MRPS9: variants seen among roughly 807,000 people sequenced by gnomAD.
MRPS9 encodes mitochondrial ribosomal protein S9, also known as small ribosomal subunit protein uS9m.
A neutral mutation model predicts 59.9 loss-of-function variants in MRPS9; 45 were observed. The ratio of observed to expected loss-of-function variants is 0.75; its 90% CI spans 0.59 to 0.96. MRPS9 has a LOEUF of 0.96. Among genes scored for constraint, MRPS9 ranks in the 40% least tolerant of loss-of-function variants. The pLI is 0.00. For missense variants in MRPS9, 473 were observed against 481.1 expected (o/e 0.98, Z 0.16); for synonymous variants, 171 against 166.8 (o/e 1.03, Z -0.19).
intron 5 of MRPS9, among the ~76,000 whole-genome samples, chr2:105,087,935 A>G (rs1316629414): frequency 6.6e-6 from 1 of 152,126 alleles, no homozygotes; most frequent in Non-Finnish European, 1.5e-5. Context: ...ACACTTAGAT[A>G]AAACTTTATC....
chr2:105,097,997 C>G (rs951430190), intron 10 of MRPS9, among the ~76,000 whole-genome samples: 1 of 152,168 alleles, frequency 6.6e-6, no homozygotes, highest in African/African-American at 2.4e-5. Flanking sequence ...CACACCTGGC[C>G]TGTCATAGAA....
At chr2:105,040,132 C>T (rs1679476605) in intron 1 of MRPS9, among the ~76,000 whole-genome samples, 1 of 152,104 alleles carries the variant, frequency 6.6e-6, no homozygotes, top group Admixed American at 6.5e-5. Flanking sequence ...CTTATGATTG[C>T]ATACATATAC....
chr2:105,078,737 C>A (rs1461831145), intron 4 of MRPS9, among the ~76,000 whole-genome samples: 2 of 152,072 alleles, frequency 1.3e-5, no homozygotes, highest in Non-Finnish European at 2.9e-5. Context: ...ATGTACTATT[C>A]AAAAAACTGT....
chr2:105,049,957 C>T (rs542882923), intron 2 of MRPS9, among the ~76,000 whole-genome samples: 1 of 144,322 alleles, frequency 6.9e-6, no homozygotes, highest in South Asian at 2.1e-4. Context: ...TATATTTAAT[C>T]GAAGAACAAC....
intron 1 of MRPS9, among the ~76,000 whole-genome samples, chr2:105,046,686 G>T (rs1679602111): frequency 6.6e-6 from 1 of 152,024 alleles, no homozygotes; most frequent in Non-Finnish European, 1.5e-5. Context: ...GAGGGCTGTG[G>T]TTGGTGATTG....
At position 105,038,385 on chromosome 2, in the gene MRPS9, A is replaced by G; in HGVS notation, c.135+158A>G. ...TGAGGTTGGGGGGGAGGAGGTGGGT[A>G]TTGGCGTGCAGTAGCCGCTCTAGAG... On this transcript the variant is annotated intron_variant, in intron 1 of 10. Transcript: ENST00000258455. The G allele has an allele frequency of 5.4e-6, 5 of 934,006 alleles. No homozygotes were observed. The South Asian group carries it at 8.7e-5, about 16-fold the overall frequency. The allele number at this position is 934,006 out of a possible 1,614,324, so 57.9% of individuals were successfully genotyped here.
At chr2:105,057,714 CA>C (rs1349902992) in intron 2 of MRPS9, among the ~76,000 whole-genome samples, 2 of 152,146 alleles carry the variant, frequency 1.3e-5, no homozygotes, top group Non-Finnish European at 2.9e-5. Context: ...TGTGTACCAT[CA>C]AAAATTCTTT....
intron 4 of MRPS9, among the ~76,000 whole-genome samples, chr2:105,076,608 T>C (rs1680217170): frequency 6.6e-6 from 1 of 152,234 alleles, no homozygotes; most frequent in Admixed American, 6.5e-5. Context: ...TTAAAAATTA[T>C]TGTGTGTTTT....
At chr2:105,092,331 G>A in intron 7 of MRPS9, 70 bp from the exon 8 acceptor site, 3 of 1,397,182 alleles carry the variant, frequency 2.1e-6, no homozygotes, top group Non-Finnish European at 2.9e-6. Context: ...GATCAAGTAT[G>A]CAAAAAATAG....
At chr2:105,071,209 T>G (rs1680104669) in intron 2 of MRPS9, 104 bp from the exon 3 acceptor site, 2 of 842,754 alleles carry the variant, frequency 2.4e-6, no homozygotes, top group South Asian at 3.9e-5. Context: ...GATAATGCTT[T>G]GAAACTCTAG....
chr2:105,055,998 A>C (rs1679785276), intron 2 of MRPS9, among the ~76,000 whole-genome samples: 1 of 152,202 alleles, frequency 6.6e-6, no homozygotes, highest in African/African-American at 2.4e-5. Context: ...CTAATTATTT[A>C]GTTTGATCAG....
intron 4 of MRPS9, among the ~76,000 whole-genome samples, chr2:105,075,095 A>T (rs1680182487): frequency 1.3e-5 from 2 of 152,154 alleles, no homozygotes; most frequent in South Asian, 4.1e-4. Flanking sequence ...TCTCATAAGG[A>T]GCATGCAACC....
intron 2 of MRPS9, among the ~76,000 whole-genome samples, chr2:105,062,913 A>C (rs1283966736): frequency 6.6e-6 from 1 of 152,222 alleles, no homozygotes; most frequent in Non-Finnish European, 1.5e-5. Flanking sequence ...GTAAGAATTT[A>C]TAATTTTTGC....
chr2:105,082,998 A>G (rs1680377806), intron 5 of MRPS9, among the ~76,000 whole-genome samples: 1 of 152,250 alleles, frequency 6.6e-6, no homozygotes, highest in Non-Finnish European at 1.5e-5. Flanking sequence ...ATCATTGAGT[A>G]CCATGAAGGG....
chr2:105,039,342 A>G (rs1573411389), intron 1 of MRPS9, among the ~76,000 whole-genome samples: 3 of 150,290 alleles, frequency 2.0e-5, no homozygotes. Flanking sequence ...CTTACTGGAA[A>G]ATGTGCTAGA....
intron 1 of MRPS9, among the ~76,000 whole-genome samples, chr2:105,039,131 G>A (rs1679450085): frequency 6.6e-6 from 1 of 151,934 alleles, no homozygotes; most frequent in Non-Finnish European, 1.5e-5. Flanking sequence ...CAGCCAGTGT[G>A]GTGTCATGGA....
chr2:105,049,501 G>A, intron 2 of MRPS9, 151 bp downstream of exon 2: 1 of 680,056 alleles, frequency 1.5e-6, no homozygotes, highest in Non-Finnish European at 2.4e-6. Context: ...TGGAGCCATG[G>A]TTTCAAAGAC....
At chr2:105,052,614 G>T (rs1297461226) in intron 2 of MRPS9, among the ~76,000 whole-genome samples, 1 of 152,098 alleles carries the variant, frequency 6.6e-6, no homozygotes, top group Non-Finnish European at 1.5e-5. Context: ...TTTGATATTG[G>T]TAATACTGGC....
intron 5 of MRPS9, among the ~76,000 whole-genome samples, chr2:105,083,213 G>A (rs1680382448): frequency 6.6e-6 from 1 of 152,214 alleles, no homozygotes; most frequent in Non-Finnish European, 1.5e-5. Context: ...TGTTAAAGAG[G>A]ATATAGATGG....
Sources: allele counts gnomAD v4.1 joint callset (sites outside exome capture counted in the v4.1 genomes callset), GRCh38; gene constraint gnomAD v4.1.1; transcripts MANE v1.5; gene names NCBI Gene and HGNC (gene_info 2026-07-23, HGNC 2026-07-21).